The following ALG14 variants were observed in gnomAD, a reference collection of about 807,000 sequenced individuals.
ALG14 encodes the protein UDP-N-acetylglucosamine transferase subunit ALG14.
In ALG14, 17 loss-of-function variants were observed where a neutral mutation model predicts 22.8. The observed-to-expected ratio is 0.75, with a 90% CI of 0.51 to 1.12. The LOEUF is 1.12. ALG14 is among the 50% of genes most tolerant of loss of function. The probability of loss-of-function intolerance (pLI) is 0.00; values close to 1 mark genes in which losing one functional copy is unlikely to be tolerated. For synonymous variants in ALG14, 89 were observed against 103.7 expected (o/e 0.86, Z 0.86); for missense variants, 288 against 271.8 (o/e 1.06, Z -0.42).
At chr1:95,026,465 T>C (rs887735516) in intron 3 of ALG14, among the ~76,000 whole-genome samples, 23 of 87,300 alleles carry the variant, frequency 2.6e-4, no homozygotes, top group African/African-American at 1.4e-3. Flanking sequence ...CCAAGGAATG[T>C]GTGTGTGTGT....
At chr1:95,058,616 T>TAAAAAAAAAAAAA in intron 2 of ALG14, among the ~76,000 whole-genome samples, 1 of 99,314 alleles carries the variant, frequency 1.0e-5, no homozygotes, top group Non-Finnish European at 2.0e-5. Context: ...GATTCATTCT[T>TAAAAAAAAAAAAA]AAAAAAAAAA....
At position 94,981,987 on chromosome 1, in the gene ALG14, C is replaced by A. The variant is rs1479107286; in HGVS notation, c.*1089G>T. The A allele has an allele frequency of 6.6e-6, 1 of 152,156 alleles. No homozygotes were observed. Among genetic ancestry groups the A allele is most frequent in the Non-Finnish European group, 1.5e-5 (1 of 68,032 alleles). 9.4% of individuals were successfully genotyped at this position (152,156 alleles called of 1,614,324 possible). On this transcript the variant is annotated 3_prime_UTR_variant, in exon 4 of 4. Transcript: ENST00000370205. ...TGTGTGACTGCACAGGCCACACACC[C>A]GTGAAACTGGCCCCACTAAGAAGTC...
At chr1:95,065,121 C>T (rs770491182) in intron 1 of ALG14, 104 bp from the exon 2 acceptor site, 12 of 964,704 alleles carry the variant, frequency 1.2e-5, no homozygotes, top group Non-Finnish European at 1.8e-5. Flanking sequence ...GGTGGGGGGG[C>T]ACTGTAATTG....
At chr1:95,060,552 T>TA (rs200328047) in intron 2 of ALG14, among the ~76,000 whole-genome samples, 223 of 138,724 alleles carry the variant, frequency 1.6e-3, no homozygotes, top group Middle Eastern at 3.7e-3. Flanking sequence ...CTGTCTCTAT[T>TA]AAAAAAAAAA....
Position 94,982,053 on chromosome 1 carries a change from C to T in ALG14, c.*1023G>A, listed in dbSNP as rs778852785. On this transcript the variant is annotated 3_prime_UTR_variant, in exon 4 of 4. Transcript: ENST00000370205. ...TGAATTCTGGCTTTGCTACTTACTA[C>T]TCATGTGATCTTGGACAAGTCATCT... 6.6e-6 allele frequency: 1 copy of T among 151,750 alleles called. No individual in the cohort carries two copies. Among genetic ancestry groups the T allele is most frequent in the Non-Finnish European group, 1.5e-5 (1 of 67,992 alleles). 9.4% of individuals were successfully genotyped at this position (151,750 alleles called of 1,614,324 possible).
In ALG14 at chr1:95,072,749, T is replaced by C; in HGVS notation, c.136+14A>G. ...GACCAACCCAAGTCCGACAGTCGCC[T>C]CCTCGATACTTACCGGACCCAGCCA... is the stretch of plus-strand genomic sequence containing the variant. On this transcript the variant is annotated intron_variant, in intron 1 of 3. Transcript: ENST00000370205. 2 of 1,613,764 alleles carry C rather than the reference T, an allele frequency of 1.2e-6. No individual in the cohort carries two copies. The highest frequency in any genetic ancestry group is 1.7e-6 in the Non-Finnish European group (2 of 1,179,894).
At position 95,015,539 on chromosome 1, in the gene ALG14, G is replaced by A. The variant is rs1045740453; in HGVS notation, c.420+11590C>T. 7.9e-5 allele frequency among the ~76,000 whole-genome samples: 12 copies of A among 152,350 alleles called. No homozygotes were observed. The South Asian group carries it at 2.1e-3, about 26-fold the overall frequency. ...TGCAAGACAAAAAGCCTCAGAAGAA[G>A]CCTCAAGAAAATGAGGAACCAAACT... On this transcript the variant is annotated intron_variant, in intron 3 of 3. Transcript: ENST00000370205.
chr1:95,026,446 C>T (rs993962594), intron 3 of ALG14, among the ~76,000 whole-genome samples: 6 of 149,568 alleles, frequency 4.0e-5, no homozygotes, highest in Admixed American at 1.3e-4. Context: ...GTCTCATAGA[C>T]AGGGAAGCCC....
chr1:95,028,286 C>T (rs141171989), intron 2 of ALG14, among the ~76,000 whole-genome samples: 6 of 152,250 alleles, frequency 3.9e-5, no homozygotes, highest in South Asian at 2.1e-4. Flanking sequence ...GTAGCTGGAA[C>T]CACAGGCACA....
At position 94,974,446 on chromosome 1, in the gene ALG14, TCA is replaced by T. The variant is rs1035745868; in HGVS notation, c.*8628_*8629del. 14 of 152,118 alleles carry T rather than the reference TCA, an allele frequency of 9.2e-5. No homozygotes were observed. The highest frequency in any genetic ancestry group is 2.9e-4 in the African/African-American group (12 of 41,412). The allele number at this position is 152,118 out of a possible 1,614,324, so 9.4% of individuals were successfully genotyped here. A position where few individuals can be genotyped will look rare whatever the true frequency, so the allele number is the denominator to read the frequency against. On this transcript the variant is annotated 3_prime_UTR_variant, in exon 4 of 4. Coordinates refer to ENST00000370205, the MANE Select transcript of ALG14 (RefSeq NM_144988.4). ...AAGTTTATTAGAGTGGAAAAAAATC[TCA>T]GTTATACAGGAAAGGAAAAGAGATT...
At position 94,982,156 on chromosome 1, in the gene ALG14, T is replaced by C. The variant is rs1166705548; in HGVS notation, c.*920A>G. On this transcript the variant is annotated 3_prime_UTR_variant, in exon 4 of 4. Coordinates refer to ENST00000370205, the MANE Select transcript of ALG14 (RefSeq NM_144988.4). ...TTTTTTTTGAGACGAAGTTTCACTC[T>C]TGTCACCCAGGCTGGATGGAGTGCA... The C allele has an allele frequency of 6.7e-6, 1 of 148,920 alleles. No individual in the cohort carries two copies. The highest frequency in any genetic ancestry group is 1.5e-5 in the Non-Finnish European group (1 of 67,362). 9.2% of individuals were successfully genotyped at this position (148,920 alleles called of 1,614,324 possible).
intron 2 of ALG14, among the ~76,000 whole-genome samples, chr1:95,030,843 G>T (rs755327001): frequency 1.1e-4 from 16 of 152,214 alleles, no homozygotes; most frequent in Non-Finnish European, 2.1e-4. Flanking sequence ...GGAAGTCTCA[G>T]TCCATTTTCA....
intron 3 of ALG14, among the ~76,000 whole-genome samples, chr1:95,026,393 G>A (rs1673815267): frequency 6.6e-6 from 1 of 151,924 alleles, no homozygotes; most frequent in Non-Finnish European, 1.5e-5. Context: ...ACACTGAGAG[G>A]CCACTGCAGG....
intron 3 of ALG14, among the ~76,000 whole-genome samples, chr1:95,000,036 C>A (rs187751640): frequency 1.4e-4 from 21 of 152,140 alleles, no homozygotes; most frequent in Admixed American, 9.8e-4. Flanking sequence ...TAGTTTATGT[C>A]ATCACTTATC....
At chr1:95,070,934 T>C (rs1011573528) in intron 1 of ALG14, among the ~76,000 whole-genome samples, 3 of 151,886 alleles carry the variant, frequency 2.0e-5, no homozygotes, top group Non-Finnish European at 4.4e-5. Context: ...AGAGACAGGG[T>C]TTCACTATGT....
At chr1:94,992,114 G>A (rs1005823088) in intron 3 of ALG14, among the ~76,000 whole-genome samples, 8 of 151,886 alleles carry the variant, frequency 5.3e-5, no homozygotes, top group Admixed American at 3.9e-4. Context: ...AGTAGAAAGA[G>A]TACACTATAA....
In ALG14 at chr1:95,019,867, C is replaced by T. The variant is rs554619346; in HGVS notation, c.420+7262G>A. On this transcript the variant is annotated intron_variant, in intron 3 of 3. Coordinates refer to ENST00000370205, the MANE Select transcript of ALG14 (RefSeq NM_144988.4). ...TAGTGGTGCATGCCTGTAATCCCAG[C>T]AATAAGCTTTCTACAGCTGATTTAA... Among the ~76,000 whole-genome samples the T allele has an allele frequency of 2.6e-5, 4 of 152,192 alleles. No individual in the cohort carries two copies. The East Asian group carries it at 5.8e-4, about 22-fold the overall frequency.
At chr1:95,061,169 T>A (rs1415123806) in intron 2 of ALG14, among the ~76,000 whole-genome samples, 1 of 152,192 alleles carries the variant, frequency 6.6e-6, no homozygotes, top group Non-Finnish European at 1.5e-5. Context: ...TTCAGACTTC[T>A]ACCCTTCAGA....
At position 95,072,856 on chromosome 1, in the gene ALG14, CCACA is replaced by C. The variant is rs1274864679; in HGVS notation, c.39_42del (p.Val14ArgfsTer4). On this transcript the variant is annotated frameshift_variant, in exon 1 of 4. Coordinates refer to ENST00000370205, the MANE Select transcript of ALG14 (RefSeq NM_144988.4). LOFTEE classifies it high-confidence loss of function. ...CATATTCGCAGGATTAGGAAAACCG[CCACA>C]GCTCCTGCGGCCGCAGCTAGAACGA... 1 of 1,614,172 alleles carries C rather than the reference CCACA, an allele frequency of 6.2e-7. No homozygotes were observed. The highest frequency in any genetic ancestry group is 1.1e-5 in the South Asian group (1 of 91,078).
Sources: gnomAD v4.1 joint callset for allele counts (sites outside exome capture counted in the v4.1 genomes callset) on GRCh38, gnomAD v4.1.1 for gene constraint, MANE v1.5 for transcripts, NCBI Gene and HGNC (gene_info 2026-07-23, HGNC 2026-07-21) for gene names.